CBLN1: variants seen among roughly 807,000 people sequenced by gnomAD.
CBLN1 encodes the protein cerebellin 1 precursor, also known as cerebellin-1.
CBLN1 carries 5 observed loss-of-function variants against 15.9 expected under a neutral mutation model. The ratio of observed to expected loss-of-function variants is 0.31; its 90% CI spans 0.16 to 0.66. The LOEUF is 0.66. Ranked by LOEUF, CBLN1 falls within the 30% of genes least tolerant of loss-of-function variation. The pLI is 0.75. For synonymous variants in CBLN1, 90 were observed against 107.6 expected (o/e 0.84, Z 1.01); for missense variants, 164 against 253.7 (o/e 0.65, Z 2.40).
In CBLN1 at chr16:49,279,130, G is replaced by C. The variant is rs1567332681; in HGVS notation, c.*274C>G. 3 of 486,518 alleles carry C rather than the reference G, an allele frequency of 6.2e-6. No individual in the cohort carries two copies. The highest frequency in any genetic ancestry group is 5.7e-5 in the South Asian group (2 of 35,372). The allele number at this position is 486,518 out of a possible 1,614,324, so 30.1% of individuals were successfully genotyped here. A position where few individuals can be genotyped will look rare whatever the true frequency, so the allele number is the denominator to read the frequency against. The stretch of plus-strand genomic sequence containing the variant: ...TTGGGGGATAAGAAACAATGACAAG[G>C]CAGTCTCTTTCTTGATTACTGCAAC... On this transcript the variant is annotated 3_prime_UTR_variant, in exon 3 of 3. Coordinates refer to ENST00000219197, the MANE Select transcript of CBLN1 (RefSeq NM_004352.4).
intron 2 of CBLN1, among the ~76,000 whole-genome samples, chr16:49,280,286 C>A (rs1304742415): frequency 1.3e-5 from 2 of 152,212 alleles, no homozygotes; most frequent in Non-Finnish European, 2.9e-5. Context: ...TCTCTCGGCG[C>A]CCAAGGGAAA....
Position 49,279,563 on chromosome 16 carries a change from G to T in CBLN1, c.423C>A (p.Ala141=), listed in dbSNP as rs1449215158. 2 of 1,614,106 alleles carry T rather than the reference G, an allele frequency of 1.2e-6. No homozygotes were observed. Among genetic ancestry groups the T allele is most frequent in the Non-Finnish European group, 1.7e-6 (2 of 1,180,056 alleles). Residue 141 remains alanine, a synonymous_variant, in exon 3 of 3, where the codon GCC becomes GCA. Transcript: ENST00000219197. The stretch of plus-strand genomic sequence containing the variant: ...GGGTCACGTCCTGGTCACCAGCGAA[G>T]GCTGAAATCACCGGCCACCCGTTTA... ...LMLNGWPVIS[A]FAGDQDVTRE...
chr16:49,279,699 G>A, intron 2 of CBLN1, 98 bp from the exon 3 acceptor site: 1 of 991,354 alleles, frequency 1.0e-6, no homozygotes, highest in Non-Finnish European at 1.5e-6. Flanking sequence ...CAGCCTGTAA[G>A]GCCTGGAAGC....
rs1963239286 is a variant in CBLN1 at position 49,279,751 on chromosome 16, G to T, written c.385-150C>A. On this transcript the variant is annotated intron_variant, in intron 2 of 2. Coordinates refer to ENST00000219197, the MANE Select transcript of CBLN1 (RefSeq NM_004352.4). ...TGGGGGGGGCGAATGGAGGAAAAGG[G>T]GCTTTGCAGCTTACTGCTGAGGCTC... 4.5e-6 allele frequency: 3 copies of T among 670,334 alleles called. No homozygotes were observed. In the East Asian group the frequency reaches 8.2e-5, roughly 18 times the overall value. 41.5% of individuals were successfully genotyped at this position (670,334 alleles called of 1,614,324 possible).
intron 2 of CBLN1, among the ~76,000 whole-genome samples, chr16:49,280,303 C>T (rs1368555235): frequency 6.6e-6 from 1 of 152,234 alleles, no homozygotes; most frequent in Non-Finnish European, 1.5e-5. Context: ...GAAACCTGGA[C>T]ATCTTTGGGG....
rs1457939018 is a variant in CBLN1, at chr16:49,278,668, C to G, written c.*736G>C. 6.6e-6 allele frequency: 1 copy of G among 152,350 alleles called. No individual in the cohort carries two copies. The allele number at this position is 152,350 out of a possible 1,614,324, so 9.4% of individuals were successfully genotyped here. A position where few individuals can be genotyped will look rare whatever the true frequency, so the allele number is the denominator to read the frequency against. The stretch of plus-strand genomic sequence containing the variant: ...AGAGCACGACGGCATTGACAAGCAT[C>G]AGAACATCAAGCAGCCTTAGATTTC... On this transcript the variant is annotated 3_prime_UTR_variant, in exon 3 of 3. Transcript: ENST00000219197.
intron 1 of CBLN1, 24 bp downstream of exon 1, chr16:49,281,178 G>A (rs749185445): frequency 6.2e-7 from 1 of 1,614,156 alleles, no homozygotes; most frequent in Admixed American, 1.7e-5. Context: ...CAATCTGCAC[G>A]CCGCGGGAGG....
chr16:49,281,487 G>GCCCCCCA lies in CBLN1; in HGVS notation c.-29_-23dup. On this transcript the variant is annotated 5_prime_UTR_variant, in exon 1 of 3. Transcript: ENST00000219197. ...GCATCGCGCCGCCGGCGCCCACCCC[G>GCCCCCCA]CCCCCCACCCCCAGGGCTGCTCGCG... 1 of 1,245,404 alleles carries GCCCCCCA rather than the reference G, an allele frequency of 8.0e-7. No individual in the cohort carries two copies. The highest frequency in any genetic ancestry group is 1.6e-5 in the South Asian group (1 of 62,332). The allele number at this position is 1,245,404 out of a possible 1,614,324, so 77.1% of individuals were successfully genotyped here.
In CBLN1 at chr16:49,278,915, TC is replaced by T. The variant is rs1963227432; in HGVS notation, c.*488del. 1 of 154,816 alleles carries T rather than the reference TC, an allele frequency of 6.5e-6. No individual in the cohort carries two copies. Among genetic ancestry groups the T allele is most frequent in the Non-Finnish European group, 1.4e-5 (1 of 70,616 alleles). The allele number at this position is 154,816 out of a possible 1,614,324, so 9.6% of individuals were successfully genotyped here. A position where few individuals can be genotyped will look rare whatever the true frequency, so the allele number is the denominator to read the frequency against. The stretch of plus-strand genomic sequence containing the variant: ...AACACTTGCCAAATTAAAACTACCT[TC>T]CCCATCCAAAACAAAACAACAACAA... On this transcript the variant is annotated 3_prime_UTR_variant, in exon 3 of 3. Transcript: ENST00000219197.
intron 2 of CBLN1, 41 bp from the exon 3 acceptor site, chr16:49,279,642 C>CA: frequency 6.3e-7 from 1 of 1,599,756 alleles, no homozygotes; most frequent in Non-Finnish European, 8.5e-7. Context: ...GCAACCTAGG[C>CA]AGGCACCGAA....
intron 2 of CBLN1, 119 bp from the exon 3 acceptor site, chr16:49,279,720 G>C: frequency 1.4e-6 from 1 of 704,230 alleles, no homozygotes; most frequent in Non-Finnish European, 2.3e-6. Flanking sequence ...ACGGAGAGGT[G>C]GGGGGTGGGG....
intron 1 of CBLN1, 34 bp downstream of exon 1, chr16:49,281,168 C>A: frequency 6.2e-7 from 1 of 1,614,188 alleles, no homozygotes; most frequent in South Asian, 1.1e-5. Context: ...TTCACCAGCC[C>A]AATCTGCACG....
chr16:49,281,581 C>A lies in CBLN1; in HGVS notation c.-116G>T. 4 of 627,206 alleles carry A rather than the reference C, an allele frequency of 6.4e-6. No individual in the cohort carries two copies. The highest frequency in any genetic ancestry group is 9.5e-6 in the Non-Finnish European group (4 of 422,818). 38.9% of individuals were successfully genotyped at this position (627,206 alleles called of 1,614,324 possible). ...TCAGCTCCGTGCGCAGCTCCGCCGCCGCCGCTCTGGACACTACACCTCTTC... is the reference window on the plus strand; with the variant it reads ...TCAGCTCCGTGCGCAGCTCCGCCGCAGCCGCTCTGGACACTACACCTCTTC... On this transcript the variant is annotated 5_prime_UTR_variant, in exon 1 of 3. Transcript: ENST00000219197.
chr16:49,280,864 A>G, intron 2 of CBLN1, 59 bp downstream of exon 2: 2 of 1,604,622 alleles, frequency 1.2e-6, no homozygotes, highest in Non-Finnish European at 1.7e-6. Context: ...CAGCCCGAGC[A>G]CCCCTGAGGC....
At position 49,279,315 on chromosome 16, in the gene CBLN1, C is replaced by A. The variant is rs551173790; in HGVS notation, c.*89G>T. 2 of 1,238,540 alleles carry A rather than the reference C, an allele frequency of 1.6e-6. No homozygotes were observed. The highest frequency in any genetic ancestry group is 2.3e-6 in the Non-Finnish European group (2 of 854,670). 76.7% of individuals were successfully genotyped at this position (1,238,540 alleles called of 1,614,324 possible). A position where few individuals can be genotyped will look rare whatever the true frequency, so the allele number is the denominator to read the frequency against. On this transcript the variant is annotated 3_prime_UTR_variant, in exon 3 of 3. Transcript: ENST00000219197. ...AACATGTAGGAAGTTTCAAGTCGTGCTGCTTTCTCGCCCTCTTAATTTCAG... is the reference window on the plus strand; with the variant it reads ...AACATGTAGGAAGTTTCAAGTCGTGATGCTTTCTCGCCCTCTTAATTTCAG...
Position 49,280,903 on chromosome 16 carries a change from G to T in CBLN1, c.384+20C>A, listed in dbSNP as rs1432026838. On this transcript the variant is annotated intron_variant, in intron 2 of 2. Coordinates refer to ENST00000219197, the MANE Select transcript of CBLN1 (RefSeq NM_004352.4). Reference sequence around the variant, plus strand: ...TAACCCCCCTACGGGGCCAGGGCCCGGCACGAGGCGTCGGCTGACCTGTAT... The same window carrying T: ...TAACCCCCCTACGGGGCCAGGGCCCTGCACGAGGCGTCGGCTGACCTGTAT... The T allele has an allele frequency of 6.2e-7, 1 of 1,614,074 alleles. No homozygotes were observed. The highest frequency in any genetic ancestry group is 1.7e-4 in the Middle Eastern group (1 of 6,024).
Position 49,281,657 on chromosome 16 carries a change from T to G in CBLN1, c.-192A>C. On this transcript the variant is annotated 5_prime_UTR_variant, in exon 1 of 3. Coordinates refer to ENST00000219197, the MANE Select transcript of CBLN1 (RefSeq NM_004352.4). ...TCCGCGACTAGCGTCCCCTCCGCGCTGTGTTCCCGGAGCCCCTCCCGGGCC... is the reference window on the plus strand; with the variant it reads ...TCCGCGACTAGCGTCCCCTCCGCGCGGTGTTCCCGGAGCCCCTCCCGGGCC... The G allele has an allele frequency of 5.0e-6, 2 of 398,426 alleles. No homozygotes were observed. Among genetic ancestry groups the G allele is most frequent in the Non-Finnish European group, 4.3e-6 (1 of 231,960 alleles). The allele number at this position is 398,426 out of a possible 1,614,324, so 24.7% of individuals were successfully genotyped here.
rs748150444 is a variant in CBLN1 at position 49,281,348 on chromosome 16, A to G, written c.118T>C (p.Ser40Pro). ...LEGKCLVVCD[S>P]NPTSDPTGTA... ...CCCGTGGGGTCGGACGTGGGGTTGG[A>G]GTCGCACACCACCAGGCACTTGCCC... The change falls in exon 1 of 3, where the codon TCC (serine) becomes CCC (proline). Residue 40 changes from serine (S) to proline (P), a missense_variant. Physicochemically the swap from Ser to Pro is moderately conservative, Grantham distance 74. Transcript: ENST00000219197. 6.2e-7 allele frequency: 1 copy of G among 1,612,034 alleles called. No individual in the cohort carries two copies. The highest frequency in any genetic ancestry group is 8.5e-7 in the Non-Finnish European group (1 of 1,179,984).
chr16:49,279,352 C>T lies in CBLN1; in HGVS notation c.*52G>A. 6.5e-7 allele frequency: 1 copy of T among 1,544,158 alleles called. No homozygotes were observed. The highest frequency in any genetic ancestry group is 1.1e-5 in the South Asian group (1 of 89,210). On this transcript the variant is annotated 3_prime_UTR_variant, in exon 3 of 3. Coordinates refer to ENST00000219197, the MANE Select transcript of CBLN1 (RefSeq NM_004352.4). ...CCTCTTAATTTCAGCCTCTTTCTCA[C>T]TCCCCTTCCTGCCTTCGCCCTCTCC...
Sources: allele counts gnomAD v4.1 joint callset (sites outside exome capture counted in the v4.1 genomes callset), GRCh38; gene constraint gnomAD v4.1.1; transcripts MANE v1.5; gene names NCBI Gene and HGNC (gene_info 2026-07-23, HGNC 2026-07-21).